TUBGCP5: variants seen among roughly 807,000 people sequenced by gnomAD.
The protein encoded by TUBGCP5 is tubulin gamma complex component 5.
Under a neutral mutation model 134.7 loss-of-function variants are expected in TUBGCP5, and 98 were observed. The ratio of observed to expected loss-of-function variants is 0.73; its 90% CI spans 0.62 to 0.86. The LOEUF (loss-of-function observed/expected upper bound fraction) is 0.86. TUBGCP5 is among the 40% of genes least tolerant of loss of function. The pLI, the probability that TUBGCP5 is intolerant of heterozygous loss-of-function variation, is 0.00. For synonymous variants in TUBGCP5, 456 were observed against 431.4 expected (o/e 1.06, Z -0.71); for missense variants, 1,150 against 1,244.8 (o/e 0.92, Z 1.15).
intron 6 of TUBGCP5, among the ~76,000 whole-genome samples, chr15:23,029,729 C>A (rs1200097956): frequency 6.6e-6 from 1 of 151,926 alleles, no homozygotes; most frequent in Non-Finnish European, 1.5e-5. Flanking sequence ...ACTAAAAATA[C>A]AAAAATTAGC....
chr15:23,011,137 C>A lies in TUBGCP5; in HGVS notation c.1951G>T (p.Ala651Ser). ...AACCTTGCAGGTGTGTCTCACCTTGCAAAGTTAATGGCAAGCAGTGGATCA... is the reference window on the plus strand; with the variant it reads ...AACCTTGCAGGTGTGTCTCACCTTGAAAAGTTAATGGCAAGCAGTGGATCA... ...VHDPLLAINFARMYLEQSDFH... is the reference protein window; with the variant it reads ...VHDPLLAINFSRMYLEQSDFH... Residue 651 changes from alanine to serine, a missense_variant, in exon 14 of 23, where the codon GCA becomes TCA. Ala to Ser is a moderately conservative substitution (Grantham distance 99). Coordinates refer to ENST00000615383, the MANE Select transcript of TUBGCP5 (RefSeq NM_052903.6). The A allele has an allele frequency of 6.2e-7, 1 of 1,613,620 alleles. No individual in the cohort carries two copies. Among genetic ancestry groups the A allele is most frequent in the Non-Finnish European group, 8.5e-7 (1 of 1,179,814 alleles).
chr15:22,995,025 C>G (rs2064003651), downstream of TUBGCP5, among the ~76,000 whole-genome samples: 1 of 152,110 alleles, frequency 6.6e-6, no homozygotes, highest in Non-Finnish European at 1.5e-5. Flanking sequence ...GGACGGATCA[C>G]TCGAGGTCGG....
chr15:23,010,151 G>A lies in TUBGCP5; in HGVS notation c.1956-18C>T. Reference sequence around the variant, plus strand: ...AATACATCCTTCAAGATAAAAATGTGAGTCTTCTTTTTATGAGCTGCTGTC... The same window carrying A: ...AATACATCCTTCAAGATAAAAATGTAAGTCTTCTTTTTATGAGCTGCTGTC... On this transcript the variant is annotated intron_variant, in intron 14 of 22. Transcript: ENST00000615383. 1 of 1,603,040 alleles carries A rather than the reference G, an allele frequency of 6.2e-7. No individual in the cohort carries two copies. The highest frequency in any genetic ancestry group is 8.5e-7 in the Non-Finnish European group (1 of 1,172,514).
In TUBGCP5 at chr15:23,013,462, A is replaced by T. The variant is rs1482224572; in HGVS notation, c.1757-2131T>A. The stretch of plus-strand genomic sequence containing the variant: ...CTCCGTCTCAAAAAAAAAAGATCCG[A>T]CTGGAGTTGAAGGGCGAGTGCTGGA... On this transcript the variant is annotated intron_variant, in intron 13 of 22. Coordinates refer to ENST00000615383, the MANE Select transcript of TUBGCP5 (RefSeq NM_052903.6). This position sits in a 1 kb window ranked among gnomAD's most constrained non-coding sequence, Gnocchi z 4.5. 1.3e-4 allele frequency among the ~76,000 whole-genome samples: 19 copies of T among 151,678 alleles called. No individual in the cohort carries two copies. Among genetic ancestry groups the T allele is most frequent in the Non-Finnish European group, 5.9e-5 (4 of 67,860 alleles).
Position 22,999,646 on chromosome 15 carries a change from C to A in TUBGCP5, c.*174G>T. The stretch of plus-strand genomic sequence containing the variant: ...AAACTCCTGGGCTCAAGTGATCTGC[C>A]TGTCTTGGCCTCCCATCGTGCTGGG... On this transcript the variant is annotated 3_prime_UTR_variant, in exon 23 of 23. Transcript: ENST00000615383. 1.5e-6 allele frequency: 1 copy of A among 655,670 alleles called. No individual in the cohort carries two copies. The highest frequency in any genetic ancestry group is 1.9e-5 in the South Asian group (1 of 52,172). 40.6% of individuals were successfully genotyped at this position (655,670 alleles called of 1,614,324 possible).
intron 15 of TUBGCP5, among the ~76,000 whole-genome samples, 177 bp from the exon 16 acceptor site, chr15:23,009,058 T>G (rs1264025272): frequency 6.6e-6 from 1 of 152,002 alleles, no homozygotes. Context: ...CAGCATAGGT[T>G]TTCCTTTCAT....
At chr15:23,034,314 G>A (rs1475198583) in intron 3 of TUBGCP5, among the ~76,000 whole-genome samples, 1 of 152,180 alleles carries the variant, frequency 6.6e-6, no homozygotes, top group Non-Finnish European at 1.5e-5. Context: ...TGTCAGAAGA[G>A]ACAGAGCAAG....
intron 4 of TUBGCP5, 29 bp downstream of exon 4, chr15:23,032,699 C>T: frequency 1.4e-6 from 2 of 1,433,658 alleles, no homozygotes; most frequent in Admixed American, 2.4e-5. Context: ...TCTTTTACTT[C>T]TCATATGTTA....
intron 23 of TUBGCP5, among the ~76,000 whole-genome samples, chr15:22,988,413 G>T (rs981849930): frequency 1.3e-5 from 2 of 151,870 alleles, no homozygotes; most frequent in Admixed American, 1.3e-4. Flanking sequence ...TGGCCTTCCA[G>T]CCCCCAGAAC....
chr15:23,006,236 A>T (rs1251320939), intron 17 of TUBGCP5, 32 bp downstream of exon 17: 1 of 1,608,744 alleles, frequency 6.2e-7, no homozygotes, highest in Non-Finnish European at 8.5e-7. Flanking sequence ...TTAGCAGAAA[A>T]CACGGTTCAT....
Position 23,006,048 on chromosome 15 carries a change from T to C in TUBGCP5, c.2533+4A>G. ...ACAATTTATCTGCTGAAAACAAATC[T>C]TACCACCAAAAAGTAAAACATCCAG... On this transcript the variant is annotated splice_donor_region_variant and intron_variant, in intron 18 of 22. Coordinates refer to ENST00000615383, the MANE Select transcript of TUBGCP5 (RefSeq NM_052903.6). 1 of 1,590,722 alleles carries C rather than the reference T, an allele frequency of 6.3e-7. No individual in the cohort carries two copies. Among genetic ancestry groups the C allele is most frequent in the South Asian group, 1.2e-5 (1 of 85,404 alleles).
At chr15:23,003,632 G>GTTTTTT (rs531926227) in intron 20 of TUBGCP5, among the ~76,000 whole-genome samples, 5 of 88,686 alleles carry the variant, frequency 5.6e-5, no homozygotes, top group East Asian at 2.6e-4. Flanking sequence ...TCCTCCTTCT[G>GTTTTTT]TTTTTTTTTT....
In TUBGCP5 at chr15:23,011,157, G is replaced by A; in HGVS notation, c.1931C>T (p.Pro644Leu). ...CCTTGCAAAGTTAATGGCAAGCAGT[G>A]GATCATGAACATCATCCAGTTCAAG... ...SHLELDDVHDPLLAINFARMY... is the reference protein window; with the variant it reads ...SHLELDDVHDLLLAINFARMY... Residue 644 changes from proline (P) to leucine (L), a missense_variant, in exon 14 of 23, where the codon CCA (proline) becomes CTA (leucine). Transcript: ENST00000615383. 1 of 1,614,008 alleles carries A rather than the reference G, an allele frequency of 6.2e-7. No individual in the cohort carries two copies. The highest frequency in any genetic ancestry group is 1.6e-4 in the Middle Eastern group (1 of 6,062).
chr15:23,029,770 A>C (rs2066196874), intron 6 of TUBGCP5, among the ~76,000 whole-genome samples: 1 of 151,886 alleles, frequency 6.6e-6, no homozygotes, highest in African/African-American at 2.4e-5. Context: ...AACCCCAGCT[A>C]CTCGGGAAAC....
rs1434014115 is a variant in TUBGCP5 at position 22,999,790 on chromosome 15, A to T, written c.*30T>A. The T allele has an allele frequency of 1.2e-6, 2 of 1,608,546 alleles. No homozygotes were observed. The highest frequency in any genetic ancestry group is 4.5e-5 in the East Asian group (2 of 44,858). On this transcript the variant is annotated 3_prime_UTR_variant, in exon 23 of 23. Transcript: ENST00000615383. ...TGGAAATGTACATGTATGATGACAA[A>T]GTCGGAGATATTTATTACGCTGAAG... is the stretch of plus-strand genomic sequence containing the variant.
At position 23,000,628 on chromosome 15, in the gene TUBGCP5, C is replaced by G. The variant is rs2064316964; in HGVS notation, c.2969G>C (p.Cys990Ser). The change falls in exon 22 of 23, where the codon TGC (cysteine) becomes TCC (serine). Residue 990 changes from cysteine to serine, a missense_variant. Physicochemically the swap from Cys to Ser is moderately radical, Grantham distance 112 (BLOSUM62 -1). Transcript: ENST00000615383. ...TAAAATGGTTACAAGAAACATATGGCAGTTTTTAAAATCAGATTCCATTTT... is the reference window on the plus strand; with the variant it reads ...TAAAATGGTTACAAGAAACATATGGGAGTTTTTAAAATCAGATTCCATTTT... ...IEKMESDFKN[C>S]HMFLVTILNK... The G allele has an allele frequency of 6.2e-7, 1 of 1,607,994 alleles. No homozygotes were observed. Among genetic ancestry groups the G allele is most frequent in the Non-Finnish European group, 8.5e-7 (1 of 1,176,042 alleles).
At position 22,999,768 on chromosome 15, in the gene TUBGCP5, A is replaced by G. The variant is rs1371047771; in HGVS notation, c.*52T>C. On this transcript the variant is annotated 3_prime_UTR_variant, in exon 23 of 23. Transcript: ENST00000615383. ...TTCACTTTTCAGCTGCACATGGTGG[A>G]AATGTACATGTATGATGACAAAGTC... is the stretch of plus-strand genomic sequence containing the variant. The G allele has an allele frequency of 4.5e-6, 7 of 1,562,706 alleles. No homozygotes were observed. The South Asian group carries it at 6.7e-5, about 15-fold the overall frequency.
chr15:22,989,312 C>G (rs2063778200), intron 23 of TUBGCP5, among the ~76,000 whole-genome samples: 2 of 152,150 alleles, frequency 1.3e-5, no homozygotes, highest in Non-Finnish European at 2.9e-5. Flanking sequence ...TGAATCCGGC[C>G]CAGCTGGACT....
downstream of TUBGCP5, among the ~76,000 whole-genome samples, chr15:22,998,382 T>C (rs2064192979): frequency 1.3e-5 from 2 of 152,230 alleles, no homozygotes; most frequent in African/African-American, 4.8e-5. Context: ...GTTGGCCTTT[T>C]ACATTTATCG....
Sources: gnomAD v4.1 joint callset for allele counts (sites outside exome capture counted in the v4.1 genomes callset) on GRCh38, gnomAD v4.1.1 for gene constraint, Gnocchi (gnomAD v3.1) non-coding constraint, MANE v1.5 for transcripts, NCBI Gene and HGNC (gene_info 2026-07-23, HGNC 2026-07-21) for gene names.